Variants in GABRG3 observed in about 807,000 individuals in gnomAD.
GABRG3 encodes gamma-aminobutyric acid type A receptor subunit gamma3, also known as gamma-aminobutyric acid receptor subunit gamma-3.
A neutral mutation model predicts 48.8 loss-of-function variants in GABRG3; 25 were observed. The ratio of observed to expected loss-of-function variants is 0.51; its 90% CI spans 0.37 to 0.72. The LOEUF (loss-of-function observed/expected upper bound fraction) is 0.72, where lower values mean the gene tolerates loss of function less well. Ranked by LOEUF, GABRG3 falls within the 30% of genes least tolerant of loss-of-function variation. The pLI, the probability that GABRG3 is intolerant of heterozygous loss-of-function variation, is 0.00. For missense variants in GABRG3, 394 were observed against 577.9 expected (o/e 0.68, Z 3.26); for synonymous variants, 227 against 217.6 (o/e 1.04, Z -0.38).
chr15:27,378,190 C>T (rs1272549848), intron 5 of GABRG3, among the ~76,000 whole-genome samples: 1 of 152,036 alleles, frequency 6.6e-6, no homozygotes, highest in Non-Finnish European at 1.5e-5. Flanking sequence ...CTGAAATTGC[C>T]TGGAGTTCTT....
intron 5 of GABRG3, among the ~76,000 whole-genome samples, chr15:27,454,955 C>T (rs1027597173): frequency 1.3e-5 from 2 of 152,208 alleles, no homozygotes; most frequent in African/African-American, 2.4e-5. Flanking sequence ...CTCTTTTTCT[C>T]TCCCTTCAGG....
intron 5 of GABRG3, among the ~76,000 whole-genome samples, chr15:27,478,570 C>G (rs1460138948): frequency 3.3e-5 from 5 of 152,142 alleles, no homozygotes; most frequent in Admixed American, 1.3e-4. Context: ...TATGTTCCAG[C>G]CACTTTGGAA....
At chr15:27,172,230 G>C (rs514081) in intron 3 of GABRG3, among the ~76,000 whole-genome samples, 2 of 152,158 alleles carry the variant, frequency 1.3e-5, no homozygotes, top group African/African-American at 4.8e-5. Context: ...ATATGACGGG[G>C]CTAGGACAGT....
chr15:27,393,978 G>A (rs1376445675), intron 5 of GABRG3, among the ~76,000 whole-genome samples: 5 of 152,172 alleles, frequency 3.3e-5, no homozygotes, highest in Non-Finnish European at 7.4e-5. Context: ...GTATCTTTCA[G>A]TCTAAAGTGA....
rs577955620 is a variant in GABRG3 at position 27,423,845 on chromosome 15, G to A, written c.575-56805G>A. On this transcript the variant is annotated intron_variant, in intron 5 of 9. Transcript: ENST00000615808. ...GTCCCCCAAAGTACTGAAATTACAA[G>A]TGTGAGCTACCACACCTAGCTTCCA... is the stretch of plus-strand genomic sequence containing the variant. 3.6e-5 allele frequency among the ~76,000 whole-genome samples: 5 copies of A among 140,230 alleles called. No homozygotes were observed. The East Asian group carries it at 1.1e-3, about 32-fold the overall frequency. The allele number at this position is 140,230 out of a possible 152,430, so 92.0% of individuals were successfully genotyped here.
intron 3 of GABRG3, among the ~76,000 whole-genome samples, chr15:27,172,529 T>C (rs918257613): frequency 6.6e-6 from 1 of 152,180 alleles, no homozygotes; most frequent in African/African-American, 2.4e-5. Context: ...TTTTGCAAAT[T>C]AAACTCCTCT....
chr15:27,247,210 G>C (rs1258553343), intron 3 of GABRG3, among the ~76,000 whole-genome samples: 3 of 152,096 alleles, frequency 2.0e-5, no homozygotes, highest in Non-Finnish European at 4.4e-5. Flanking sequence ...AAAGTGCTGA[G>C]ATTATAGGCA....
Position 27,033,681 on chromosome 15 carries a change from A to T in GABRG3, c.270+6860A>T, listed in dbSNP as rs181094344. Among the ~76,000 whole-genome samples the T allele has an allele frequency of 7.2e-5, 11 of 152,244 alleles. No individual in the cohort carries two copies. The East Asian group carries it at 1.9e-3, about 27-fold the overall frequency. ...TGAAAAAAAGCATGTGGCCCTTTTC[A>T]GTTGTTTAAGAGGATGATGGTCTTA... On this transcript the variant is annotated intron_variant, in intron 3 of 9. Transcript: ENST00000615808.
chr15:27,499,454 A>G (rs1029382623), intron 6 of GABRG3, among the ~76,000 whole-genome samples: 1 of 152,232 alleles, frequency 6.6e-6, no homozygotes, highest in African/African-American at 2.4e-5. Context: ...AATTTAAAAA[A>G]AGTCCAGCCC....
chr15:27,451,836 A>G (rs1889121763), intron 5 of GABRG3, among the ~76,000 whole-genome samples: 1 of 152,186 alleles, frequency 6.6e-6, no homozygotes, highest in Admixed American at 6.5e-5. Context: ...CAACAAAAGC[A>G]ATTAAAAATG....
intron 3 of GABRG3, among the ~76,000 whole-genome samples, chr15:27,226,503 T>C (rs1012847929): frequency 5.3e-5 from 8 of 152,132 alleles, no homozygotes; most frequent in African/African-American, 1.9e-4. Flanking sequence ...CCAGGCAAGC[T>C]GGCCAAAGTG....
intron 3 of GABRG3, among the ~76,000 whole-genome samples, chr15:27,320,673 C>T (rs1207037788): frequency 2.6e-5 from 4 of 152,012 alleles, no homozygotes; most frequent in Non-Finnish European, 5.9e-5. Flanking sequence ...AGGTCGTGAT[C>T]AAAGAGTTTG....
chr15:27,018,991 G>A (rs1388823479), intron 2 of GABRG3, among the ~76,000 whole-genome samples: 4 of 146,144 alleles, frequency 2.7e-5, no homozygotes, highest in South Asian at 2.2e-4. Context: ...TATTTGTCAC[G>A]ATAATCATGA....
chr15:27,132,714 T>C (rs1210754472), intron 3 of GABRG3, among the ~76,000 whole-genome samples: 1 of 151,570 alleles, frequency 6.6e-6, no homozygotes, highest in Non-Finnish European at 1.5e-5. Context: ...TTAGTCAGTA[T>C]AGGTAAAAAT....
intron 3 of GABRG3, among the ~76,000 whole-genome samples, chr15:27,248,784 A>ACACC (rs1333054688): frequency 2.7e-5 from 3 of 110,888 alleles, no homozygotes; most frequent in African/African-American, 1.2e-4. Flanking sequence ...ACACACACAC[A>ACACC]CACACACACA....
At chr15:27,117,390 A>G (rs1035383582) in intron 3 of GABRG3, among the ~76,000 whole-genome samples, 2 of 152,146 alleles carry the variant, frequency 1.3e-5, no homozygotes, top group Admixed American at 6.5e-5. Context: ...AGCAGACCAC[A>G]GAGAAGTGAG....
At position 27,288,161 on chromosome 15, in the gene GABRG3, C is replaced by T. The variant is rs1202741572; in HGVS notation, c.271-38648C>T. 2.6e-5 allele frequency among the ~76,000 whole-genome samples: 4 copies of T among 152,154 alleles called. No homozygotes were observed. In the East Asian group the frequency reaches 5.8e-4, roughly 22 times the overall value. ...ATGTCTACTTCTCAATCTCTGGAAA[C>T]TGTGAATATGTTACATCAGTGGTCT... On this transcript the variant is annotated intron_variant, in intron 3 of 9. Transcript: ENST00000615808.
chr15:27,279,524 T>G (rs1444783935), intron 3 of GABRG3, among the ~76,000 whole-genome samples: 1 of 152,234 alleles, frequency 6.6e-6, no homozygotes, highest in Admixed American at 6.5e-5. Context: ...AAGATTCTCT[T>G]TCTTCAAACG....
At chr15:27,320,369 C>T (rs377624004) in intron 3 of GABRG3, among the ~76,000 whole-genome samples, 92 of 152,128 alleles carry the variant, frequency 6.0e-4, no homozygotes, top group African/African-American at 2.0e-3. Flanking sequence ...GAAGTGCACC[C>T]CGATGTTATT....
Sources: allele counts gnomAD v4.1 joint callset (sites outside exome capture counted in the v4.1 genomes callset), GRCh38; gene constraint gnomAD v4.1.1; transcripts MANE v1.5; gene names NCBI Gene and HGNC (gene_info 2026-07-23, HGNC 2026-07-21).